ATP9A: variants seen among roughly 807,000 people sequenced by gnomAD.
The protein encoded by ATP9A is ATPase phospholipid transporting 9A, also known as probable phospholipid-transporting ATPase IIA.
Under a neutral mutation model 144.1 loss-of-function variants are expected in ATP9A, and 52 were observed. The ratio of observed to expected loss-of-function variants is 0.36; its 90% CI spans 0.29 to 0.45. ATP9A has a LOEUF of 0.45. Among genes scored for constraint, ATP9A ranks in the 20% least tolerant of loss-of-function variants. The pLI is 1.00. For synonymous variants in ATP9A, 582 were observed against 557.4 expected, an observed-to-expected ratio of 1.04 and a Z score of -0.62; for missense variants, 947 against 1,392.7, an observed-to-expected ratio of 0.68 and a Z score of 5.09.
At chr20:51,603,730 T>G (rs1014495132) in intron 27 of ATP9A, among the ~76,000 whole-genome samples, 4 of 152,064 alleles carry the variant, frequency 2.6e-5, no homozygotes, top group African/African-American at 9.7e-5. Context: ...ATTAGGATGG[T>G]GCTGACACTC....
chr20:51,657,174 G>C (rs1262563372), intron 13 of ATP9A, 24 bp from the exon 14 acceptor site: 1 of 1,588,988 alleles, frequency 6.3e-7, no homozygotes, highest in Admixed American at 1.7e-5. Flanking sequence ...AAATGAACAA[G>C]GAAGATGACC....
At chr20:51,669,344 C>T (rs1230587596) in intron 13 of ATP9A, among the ~76,000 whole-genome samples, 1 of 152,172 alleles carries the variant, frequency 6.6e-6, no homozygotes, top group Non-Finnish European at 1.5e-5. Flanking sequence ...GCCAGTAATA[C>T]TTTCTCTGAA....
At chr20:51,606,026 T>G (rs1334647693) in intron 26 of ATP9A, among the ~76,000 whole-genome samples, 1 of 152,168 alleles carries the variant, frequency 6.6e-6, no homozygotes, top group Non-Finnish European at 1.5e-5. Flanking sequence ...TCCCAACACT[T>G]TGGGAGGCCA....
intron 8 of ATP9A, among the ~76,000 whole-genome samples, chr20:51,690,312 T>C (rs998757681): frequency 1.3e-5 from 2 of 150,864 alleles, no homozygotes; most frequent in Non-Finnish European, 3.0e-5. Context: ...CCCAGCTACT[T>C]GGGAGGCTGA....
chr20:51,607,610 G>C (rs767628076), intron 25 of ATP9A, 26 bp from the exon 26 acceptor site: 15 of 1,599,280 alleles, frequency 9.4e-6, no homozygotes, highest in Non-Finnish European at 1.3e-5. Flanking sequence ...AGAAAGGTTA[G>C]AGCCGGTTTC....
At position 51,605,018 on chromosome 20, in the gene ATP9A, T is replaced by C; in HGVS notation, c.2806A>G (p.Ser936Gly). The C allele has an allele frequency of 1.2e-6, 2 of 1,604,038 alleles. No homozygotes were observed. The highest frequency in any genetic ancestry group is 1.7e-6 in the Non-Finnish European group (2 of 1,175,200). Residue 936 changes from serine (S) to glycine (G), a missense_variant and splice_region_variant, in exon 27 of 28, where the codon AGC (serine) becomes GGC (glycine). Physicochemically the swap from Ser to Gly is moderately conservative, Grantham distance 56. Around this residue, in one of 2 missense-constraint regions of ATP9A, gnomAD observed 177 missense variants for 344.9 expected, o/e 0.51. Coordinates refer to ENST00000338821, the MANE Select transcript of ATP9A (RefSeq NM_006045.3). ...AGCAGCGCCCCGTACATGATGGTGC[T>C]CCCTGCAAACACCAGAGAAGGGTAT... ...IWVLISIYQG[S>G]TIMYGALLLF...
chr20:51,692,232 G>A (rs985939894), intron 7 of ATP9A, among the ~76,000 whole-genome samples: 4 of 152,178 alleles, frequency 2.6e-5, no homozygotes, highest in East Asian at 1.9e-4. Context: ...ACTTAAAAAC[G>A]GTTAGGACGA....
chr20:51,606,358 ATAT>A (rs1297621110), intron 26 of ATP9A, among the ~76,000 whole-genome samples: 3 of 152,198 alleles, frequency 2.0e-5, no homozygotes, highest in African/African-American at 7.2e-5. Flanking sequence ...TTTCACATGT[ATAT>A]TATATGTACT....
intron 1 of ATP9A, among the ~76,000 whole-genome samples, chr20:51,731,054 C>T (rs975267804): frequency 3.3e-5 from 5 of 151,924 alleles, no homozygotes; most frequent in African/African-American, 9.7e-5. Context: ...GCCTGTAATC[C>T]CAGCACTTTG....
At chr20:51,739,004 G>C (rs945800462) in intron 1 of ATP9A, among the ~76,000 whole-genome samples, 1 of 148,220 alleles carries the variant, frequency 6.7e-6, no homozygotes, top group Non-Finnish European at 1.5e-5. Context: ...CAAGAGAATC[G>C]CTTGAACCTG....
At chr20:51,696,222 C>A (rs1477141269) in intron 5 of ATP9A, 78 bp from the exon 6 acceptor site, 1 of 1,338,138 alleles carries the variant, frequency 7.5e-7, no homozygotes, top group Non-Finnish European at 1.1e-6. Flanking sequence ...CTTCCGCCCC[C>A]ACCCCCAACC....
intron 13 of ATP9A, among the ~76,000 whole-genome samples, chr20:51,662,544 CA>C (rs57342641): frequency 0.51 from 68,401 of 134,354 alleles, 16,716 homozygotes; most frequent in East Asian, 0.8. Context: ...GACTCTGTCT[CA>C]AAAAAAAAAA....
In ATP9A at chr20:51,613,840, C is replaced by A; in HGVS notation, c.2416-8G>T. 1.2e-6 allele frequency: 2 copies of A among 1,607,356 alleles called. No homozygotes were observed. The highest frequency in any genetic ancestry group is 1.3e-5 in the African/African-American group (1 of 74,906). On this transcript the variant is annotated splice_region_variant and splice_polypyrimidine_tract_variant and intron_variant, in intron 22 of 27. Coordinates refer to ENST00000338821, the MANE Select transcript of ATP9A (RefSeq NM_006045.3). ...CGAAGCCTGTTTTCCTTCCTAAAAT[C>A]CAATAAAATTAGGCACCATCAGAAG...
At chr20:51,664,886 A>AT (rs559731508) in intron 13 of ATP9A, among the ~76,000 whole-genome samples, 38,098 of 135,832 alleles carry the variant, frequency 0.28, 5,286 homozygotes, top group East Asian at 0.47. Context: ...CCCCCGGCTA[A>AT]TTTTTTTTTT....
Position 51,625,300 on chromosome 20 carries a change from G to C in ATP9A, c.1908C>G (p.Ile636Met). ...HDRSLKVATV[I>M]ESLEMEMELL... ...GTTCCATCTCCATCTCCAGGCTCTCGATCACCGTGGCCACTTTGAGGGAGC... is the reference window on the plus strand; with the variant it reads ...GTTCCATCTCCATCTCCAGGCTCTCCATCACCGTGGCCACTTTGAGGGAGC... The change falls in exon 18 of 28, where the codon ATC (isoleucine) becomes ATG (methionine). Residue 636 changes from isoleucine to methionine, a missense_variant. Physicochemically the swap from Ile to Met is conservative, Grantham distance 10. Transcript: ENST00000338821. 1.2e-6 allele frequency: 2 copies of C among 1,614,180 alleles called. No homozygotes were observed. Among genetic ancestry groups the C allele is most frequent in the South Asian group, 2.2e-5 (2 of 91,090 alleles).
intron 15 of ATP9A, among the ~76,000 whole-genome samples, chr20:51,632,944 G>A (rs1338873787): frequency 6.6e-6 from 1 of 152,044 alleles, no homozygotes; most frequent in African/African-American, 2.4e-5. Context: ...CCAACATGGT[G>A]AAACCCCGTC....
At chr20:51,763,592 A>C (rs548818860) in intron 1 of ATP9A, among the ~76,000 whole-genome samples, 34 of 152,172 alleles carry the variant, frequency 2.2e-4, no homozygotes, top group South Asian at 1.5e-3. Flanking sequence ...GGATTACAGG[A>C]ATGAGCCACC....
At chr20:51,662,517 C>A (rs1464740803) in intron 13 of ATP9A, among the ~76,000 whole-genome samples, 1 of 150,574 alleles carries the variant, frequency 6.6e-6, no homozygotes, top group Non-Finnish European at 1.5e-5. Context: ...TGCACTCCAG[C>A]CTGGTTAACA....
At chr20:51,606,824 G>A (rs929608355) in intron 26 of ATP9A, among the ~76,000 whole-genome samples, 2 of 152,022 alleles carry the variant, frequency 1.3e-5, no homozygotes, top group Non-Finnish European at 2.9e-5. Flanking sequence ...GCTACGGCGA[G>A]CCGTGATTGC....
Sources: allele counts gnomAD v4.1 joint callset (sites outside exome capture counted in the v4.1 genomes callset), GRCh38; gene constraint gnomAD v4.1.1; regional missense constraint gnomAD v4.1.1; transcripts MANE v1.5; gene names NCBI Gene and HGNC (gene_info 2026-07-23, HGNC 2026-07-21).